Variants in MARCHF1 observed in about 807,000 individuals in gnomAD.
The protein encoded by MARCHF1 is E3 ubiquitin-protein ligase MARCHF1.
MARCHF1 carries 40 observed loss-of-function variants against 54.2 expected under a neutral mutation model. That is an observed-to-expected ratio of 0.74 (90% CI 0.57 to 0.96). The LOEUF (loss-of-function observed/expected upper bound fraction) is 0.96. MARCHF1 is among the 40% of genes least tolerant of loss of function. MARCHF1 has a pLI of 0.00. For missense variants in MARCHF1, 586 were observed against 656.5 expected (o/e 0.89, Z 1.17); for synonymous variants, 236 against 236.3 (o/e 1.00, Z 0.01).
chr4:163,986,117 C>T (rs1472577160), intron 3 of MARCHF1, among the ~76,000 whole-genome samples: 1 of 151,826 alleles, frequency 6.6e-6, no homozygotes, highest in Non-Finnish European at 1.5e-5. Context: ...CTTTTAACTA[C>T]ATCCTATAGA....
At chr4:163,898,186 C>T (rs1195864251) in intron 3 of MARCHF1, among the ~76,000 whole-genome samples, 1 of 150,036 alleles carries the variant, frequency 6.7e-6, no homozygotes, top group Non-Finnish European at 1.5e-5. Flanking sequence ...CAAAAACAGA[C>T]AAATGAGATT....
At chr4:163,784,290 C>A (rs1057134831) in intron 4 of MARCHF1, among the ~76,000 whole-genome samples, 2 of 151,924 alleles carry the variant, frequency 1.3e-5, no homozygotes, top group Admixed American at 6.6e-5. Context: ...TAGAAGAAGT[C>A]AAAAAGGACA....
rs527802944 is a variant in MARCHF1 at position 163,648,237 on chromosome 4, T to A, written c.163-34844A>T. Among the ~76,000 whole-genome samples the A allele has an allele frequency of 4.1e-3, 621 of 152,002 alleles. 2 individuals carry two copies. Among genetic ancestry groups the A allele is most frequent in the South Asian group, 0.012 (60 of 4,820 alleles). ...TTTCCAGGCTAACTGTAAAGAAAAA[T>A]TATTTTTCTTCTTAAAAGATAGGAA... On this transcript the variant is annotated intron_variant, in intron 5 of 9. Transcript: ENST00000514618.
chr4:164,092,232 A>T (rs1216017700), intron 2 of MARCHF1, among the ~76,000 whole-genome samples: 4 of 152,102 alleles, frequency 2.6e-5, no homozygotes, highest in Non-Finnish European at 5.9e-5. Context: ...ATGTGAACAG[A>T]GAGTTGTACT....
chr4:163,893,698 G>A (rs1192146715), intron 3 of MARCHF1, among the ~76,000 whole-genome samples: 1 of 152,130 alleles, frequency 6.6e-6, no homozygotes, highest in African/African-American at 2.4e-5. Flanking sequence ...TTGAGCCTTT[G>A]ACACATAGAT....
At chr4:163,855,811 T>C (rs1319740539) in intron 3 of MARCHF1, among the ~76,000 whole-genome samples, 1 of 152,172 alleles carries the variant, frequency 6.6e-6, no homozygotes, top group Non-Finnish European at 1.5e-5. Flanking sequence ...CAACTTCTTA[T>C]TTCCCATTTA....
chr4:163,818,357 C>G (rs1748599930), intron 4 of MARCHF1, among the ~76,000 whole-genome samples: 2 of 151,866 alleles, frequency 1.3e-5, no homozygotes, highest in Non-Finnish European at 2.9e-5. Context: ...ACCTATCAAC[C>G]CATCACCTAG....
chr4:163,739,980 A>C (rs1746149719), intron 4 of MARCHF1, among the ~76,000 whole-genome samples: 1 of 151,910 alleles, frequency 6.6e-6, no homozygotes, highest in African/African-American at 2.4e-5. Context: ...ACTGTGGTCT[A>C]TTTTTTTTCT....
chr4:164,245,139 G>T (rs1331970539), intron 1 of MARCHF1, among the ~76,000 whole-genome samples: 1 of 152,094 alleles, frequency 6.6e-6, no homozygotes, highest in Non-Finnish European at 1.5e-5. Context: ...ACCAAAGCCA[G>T]GCAGAGACAC....
chr4:163,797,867 T>C (rs945858243), intron 4 of MARCHF1, among the ~76,000 whole-genome samples: 2 of 151,850 alleles, frequency 1.3e-5, no homozygotes, highest in African/African-American at 4.8e-5. Context: ...TGCTGTTTCT[T>C]TTCTCTTGTT....
intron 1 of MARCHF1, among the ~76,000 whole-genome samples, chr4:164,221,515 A>G (rs1460895796): frequency 2.6e-5 from 4 of 152,090 alleles, no homozygotes; most frequent in Non-Finnish European, 5.9e-5. Flanking sequence ...TAAAAAATAT[A>G]GCATCAACTT....
chr4:163,716,572 G>C (rs148135909), intron 4 of MARCHF1, among the ~76,000 whole-genome samples: 1 of 152,114 alleles, frequency 6.6e-6, no homozygotes, highest in Non-Finnish European at 1.5e-5. Flanking sequence ...GCCTTTTGCC[G>C]AGGAGTCCAG....
At chr4:163,636,244 G>T (rs200299404) in intron 5 of MARCHF1, among the ~76,000 whole-genome samples, 5,115 of 151,336 alleles carry the variant, frequency 0.034, 285 homozygotes, top group East Asian at 0.19. Context: ...GTTCTGGCCA[G>T]GGCAATTAGG....
intron 4 of MARCHF1, among the ~76,000 whole-genome samples, chr4:163,843,611 G>A (rs182188363): frequency 4.2e-4 from 64 of 151,958 alleles, no homozygotes; most frequent in Admixed American, 9.2e-4. Context: ...ATGTGCCATG[G>A]TGGTTTGCTA....
chr4:163,872,982 T>C (rs1413734163), intron 3 of MARCHF1, among the ~76,000 whole-genome samples: 1 of 151,752 alleles, frequency 6.6e-6, no homozygotes, highest in African/African-American at 2.4e-5. Context: ...AGGCGGAGCT[T>C]GCAGTGAGCC....
intron 4 of MARCHF1, among the ~76,000 whole-genome samples, chr4:163,827,920 T>C (rs1184121886): frequency 6.6e-6 from 1 of 151,942 alleles, no homozygotes. Context: ...TCAGTGTAAA[T>C]GTGCCCATAG....
intron 1 of MARCHF1, among the ~76,000 whole-genome samples, chr4:164,156,558 G>T (rs1029920190): frequency 3.3e-5 from 5 of 151,998 alleles, no homozygotes; most frequent in Non-Finnish European, 7.4e-5. Context: ...TGTGTAGCTG[G>T]GACTACAGGC....
chr4:164,069,253 G>A (rs1165583657), intron 2 of MARCHF1, among the ~76,000 whole-genome samples: 2 of 152,094 alleles, frequency 1.3e-5, no homozygotes, highest in East Asian at 1.9e-4. Context: ...CAGACCAATC[G>A]GCTCTCTGTA....
intron 1 of MARCHF1, among the ~76,000 whole-genome samples, chr4:164,127,938 C>A (rs1756220178): frequency 6.6e-6 from 1 of 151,982 alleles, no homozygotes; most frequent in Admixed American, 6.6e-5. Flanking sequence ...GGGGCTTAGC[C>A]CCAGCAAACA....
Sources: allele counts gnomAD v4.1 joint callset (sites outside exome capture counted in the v4.1 genomes callset), GRCh38; gene constraint gnomAD v4.1.1; transcripts MANE v1.5; gene names NCBI Gene and HGNC (gene_info 2026-07-23, HGNC 2026-07-21).